The following TIAM2 variants were observed in gnomAD, a reference collection of about 807,000 sequenced individuals.
The protein encoded by TIAM2 is TIAM Rac1 associated GEF 2, also known as rho guanine nucleotide exchange factor TIAM2.
Under a neutral mutation model 152.9 loss-of-function variants are expected in TIAM2, and 80 were observed. The observed-to-expected ratio is 0.52, with a 90% CI of 0.44 to 0.63. The LOEUF is 0.63. Ranked by LOEUF, TIAM2 falls within the 30% of genes least tolerant of loss-of-function variation. The pLI is 0.00. For missense variants in TIAM2, 1,965 were observed against 2,120.1 expected (o/e 0.93, Z 1.44); for synonymous variants, 804 against 838.0 (o/e 0.96, Z 0.70).
chr6:155,245,644 G>A lies in TIAM2; in HGVS notation c.3565G>A (p.Gly1189Ser). ...CTAGAAATTACTGTTTTCCCTTGGAGGCTCTTTCCTTTATTACGCGGACCA... is the reference window on the plus strand; with the variant it reads ...CTAGAAATTACTGTTTTCCCTTGGAAGCTCTTTCCTTTATTACGCGGACCA... ...QFRKLLFSLGGSFLYYADHFK... is the reference protein window; with the variant it reads ...QFRKLLFSLGSSFLYYADHFK... Residue 1189 changes from glycine (G) to serine (S), a missense_variant, in exon 19 of 27, where the codon GGC becomes AGC. Gly to Ser is a moderately conservative substitution (Grantham distance 56, BLOSUM62 0). Around this residue, in one of 3 missense-constraint regions of TIAM2, gnomAD observed 935 missense variants for 980.0 expected, o/e 0.95. Transcript: ENST00000682666. The A allele has an allele frequency of 6.2e-7, 1 of 1,613,984 alleles. No individual in the cohort carries two copies. Among genetic ancestry groups the A allele is most frequent in the Non-Finnish European group, 8.5e-7 (1 of 1,179,912 alleles).
chr6:155,181,354 T>G (rs80067366), intron 12 of TIAM2, among the ~76,000 whole-genome samples: 3,314 of 152,336 alleles, frequency 0.022, 106 homozygotes, highest in African/African-American at 0.072. Flanking sequence ...CTTAAAATGC[T>G]CAACCCCAAA....
intron 1 of TIAM2, among the ~76,000 whole-genome samples, chr6:155,056,552 T>C (rs1777457374): frequency 1.3e-5 from 2 of 152,158 alleles, no homozygotes. Flanking sequence ...CGAGTCTTGC[T>C]CTTTTGCAGT....
intron 6 of TIAM2, among the ~76,000 whole-genome samples, chr6:155,145,053 G>A (rs1391756521): frequency 6.6e-6 from 1 of 152,090 alleles, no homozygotes; most frequent in African/African-American, 2.4e-5. Flanking sequence ...AAAAAATCAT[G>A]ATCCCTGTCC....
intron 25 of TIAM2, 75 bp downstream of exon 25, chr6:155,254,135 G>A: frequency 6.8e-7 from 1 of 1,469,414 alleles, no homozygotes; most frequent in Non-Finnish European, 9.3e-7. Context: ...TTTATATTTA[G>A]TGCCCTCCTG....
At chr6:155,250,275 T>C (rs1783569099) in intron 21 of TIAM2, among the ~76,000 whole-genome samples, 1 of 149,292 alleles carries the variant, frequency 6.7e-6, no homozygotes, top group Non-Finnish European at 1.5e-5. Flanking sequence ...CTGGGGCTTT[T>C]CCTTTTTGAT....
At position 155,186,122 on chromosome 6, in the gene TIAM2, A is replaced by G. The variant is rs544834432; in HGVS notation, c.3064+2622A>G. Among the ~76,000 whole-genome samples the G allele has an allele frequency of 1.3e-5, 2 of 152,350 alleles. No individual in the cohort carries two copies. Among genetic ancestry groups the G allele is most frequent in the South Asian group, 4.1e-4 (2 of 4,828 alleles). On this transcript the variant is annotated intron_variant, in intron 14 of 26. Coordinates refer to ENST00000682666, the MANE Select transcript of TIAM2 (RefSeq NM_012454.4). The surrounding 1 kb of genome is among the most constrained non-coding windows in gnomAD (Gnocchi z 4.5). ...AAAAAAGACCAGGTCTCTCATTCAT[A>G]TGCAACATCTGAATGACAAGAGAAG...
At chr6:155,094,232 G>A (rs1415288174) in intron 2 of TIAM2, among the ~76,000 whole-genome samples, 1 of 150,772 alleles carries the variant, frequency 6.6e-6, no homozygotes, top group Non-Finnish European at 1.5e-5. Context: ...GTTGGGTCAT[G>A]CGTCAGCTGG....
At chr6:155,167,284 C>T (rs1583225463) in intron 9 of TIAM2, among the ~76,000 whole-genome samples, 1 of 152,152 alleles carries the variant, frequency 6.6e-6, no homozygotes, top group Non-Finnish European at 1.5e-5. Flanking sequence ...TGCAGTGGCA[C>T]GATCTTGGCT....
intron 1 of TIAM2, among the ~76,000 whole-genome samples, chr6:155,026,412 T>C (rs1776603218): frequency 6.6e-6 from 1 of 152,174 alleles, no homozygotes; most frequent in Non-Finnish European, 1.5e-5. Flanking sequence ...GTTTCTCAAT[T>C]TTTTTTCCCT....
At chr6:155,205,468 C>T (rs934383984) in intron 14 of TIAM2, among the ~76,000 whole-genome samples, 2 of 152,174 alleles carry the variant, frequency 1.3e-5, no homozygotes, top group Admixed American at 6.5e-5. Context: ...GGCAGGGGAA[C>T]TCTTCCCTAC....
intron 1 of TIAM2, among the ~76,000 whole-genome samples, chr6:155,085,123 A>T (rs902335968): frequency 1.3e-5 from 2 of 152,134 alleles, no homozygotes; most frequent in African/African-American, 4.8e-5. Context: ...AGTCCTGGAA[A>T]ACATCCCACT....
chr6:155,147,520 C>G (rs1349612225), intron 6 of TIAM2, among the ~76,000 whole-genome samples: 2 of 152,028 alleles, frequency 1.3e-5, no homozygotes, highest in Admixed American at 6.5e-5. Flanking sequence ...GAGTCTCACT[C>G]TGTTACCCAG....
intron 2 of TIAM2, among the ~76,000 whole-genome samples, chr6:155,101,288 C>T (rs545763083): frequency 2.6e-5 from 4 of 152,086 alleles, no homozygotes; most frequent in Non-Finnish European, 4.4e-5. Context: ...TTTTTGCTAC[C>T]GCATTTCTCA....
At chr6:155,081,123 AAG>A (rs1175464013) in intron 1 of TIAM2, among the ~76,000 whole-genome samples, 2 of 152,188 alleles carry the variant, frequency 1.3e-5, no homozygotes, top group Non-Finnish European at 2.9e-5. Flanking sequence ...TTGAAAAAGA[AAG>A]AGGGTAAAAT....
intron 14 of TIAM2, among the ~76,000 whole-genome samples, chr6:155,185,301 G>A (rs927165087): frequency 4.0e-5 from 6 of 151,152 alleles, no homozygotes; most frequent in Non-Finnish European, 5.9e-5. Flanking sequence ...TAATTTCTGC[G>A]TTTTTAATAG....
At position 155,257,113 on chromosome 6, in the gene TIAM2, A is replaced by AAATC. The variant is rs754889809; in HGVS notation, c.5100_5103dup (p.Ter1702IlefsTer4). On this transcript the variant is annotated frameshift_variant, in exon 27 of 27. Transcript: ENST00000682666. LOFTEE classifies it high-confidence loss of function. ...TTTTTATGAAACAGAGAGCCACGGAAAATCATAGTATGATTCAATCCAGAT... is the reference window on the plus strand; with the variant it reads ...TTTTTATGAAACAGAGAGCCACGGAAAATCAATCATAGTATGATTCAATCCAGAT... 4.3e-6 allele frequency: 7 copies of AAATC among 1,613,838 alleles called. No homozygotes were observed. The South Asian group carries it at 5.5e-5, about 13-fold the overall frequency.
intron 15 of TIAM2, among the ~76,000 whole-genome samples, chr6:155,238,828 T>A (rs568066593): frequency 2.1e-4 from 32 of 152,370 alleles, no homozygotes; most frequent in South Asian, 1.9e-3. Context: ...GTGTAGGAAC[T>A]GTTTCTACTT....
chr6:155,220,532 C>T (rs1782007865), intron 15 of TIAM2, among the ~76,000 whole-genome samples: 1 of 152,148 alleles, frequency 6.6e-6, no homozygotes, highest in Admixed American at 6.5e-5. Flanking sequence ...GCACCTAGCA[C>T]ACAGTGAGGT....
At chr6:155,107,436 T>A (rs1221009755) in intron 2 of TIAM2, among the ~76,000 whole-genome samples, 1 of 152,192 alleles carries the variant, frequency 6.6e-6, no homozygotes, top group Non-Finnish European at 1.5e-5. Flanking sequence ...AATTTGTACG[T>A]ATTGTATGGA....
Sources: gnomAD v4.1 joint callset for allele counts (sites outside exome capture counted in the v4.1 genomes callset) on GRCh38, gnomAD v4.1.1 for gene constraint, gnomAD v4.1.1 regional missense constraint, Gnocchi (gnomAD v3.1) non-coding constraint, MANE v1.5 for transcripts, NCBI Gene and HGNC (gene_info 2026-07-23, HGNC 2026-07-21) for gene names.